Variants in SNX19 observed in about 807,000 individuals in gnomAD.
SNX19 encodes the protein sorting nexin-19.
A neutral mutation model predicts 85.2 loss-of-function variants in SNX19; 60 were observed. The ratio of observed to expected loss-of-function variants is 0.70; its 90% CI spans 0.57 to 0.87. SNX19 has a LOEUF of 0.87. Ranked by LOEUF, SNX19 falls within the 40% of genes least tolerant of loss-of-function variation. The probability of loss-of-function intolerance (pLI) is 0.00; values close to 1 mark genes in which losing one functional copy is unlikely to be tolerated. For synonymous variants in SNX19, 520 were observed against 470.0 expected, an observed-to-expected ratio of 1.11 and a Z score of -1.38; for missense variants, 1,201 against 1,217.8, an observed-to-expected ratio of 0.99 and a Z score of 0.21.
chr11:130,913,653 T>G (rs998689067), intron 1 of SNX19, among the ~76,000 whole-genome samples: 5 of 152,234 alleles, frequency 3.3e-5, no homozygotes, highest in African/African-American at 1.2e-4. Context: ...TTTCTCAACT[T>G]CTTCCCTGCT....
intron 6 of SNX19, among the ~76,000 whole-genome samples, 189 bp from the exon 7 acceptor site, chr11:130,906,322 T>C (rs1326945526): frequency 2.0e-5 from 3 of 152,218 alleles, no homozygotes; most frequent in African/African-American, 7.2e-5. Context: ...TGCCCTGGGA[T>C]TATCATTTCT....
At chr11:130,885,426 G>A (rs188219139) in intron 8 of SNX19, among the ~76,000 whole-genome samples, 106 of 152,318 alleles carry the variant, frequency 7.0e-4, no homozygotes, top group Non-Finnish European at 1.2e-3. Context: ...GTTAGTAGAA[G>A]GTCATTTCCC....
chr11:130,910,688 C>T (rs1267763517), intron 2 of SNX19, among the ~76,000 whole-genome samples: 3 of 152,176 alleles, frequency 2.0e-5, no homozygotes, highest in Non-Finnish European at 4.4e-5. Flanking sequence ...GGGCACCTAT[C>T]TCACAGGCTG....
chr11:130,875,160 A>G lies in SNX19; in HGVS notation c.*3262T>C, dbSNP rs569217373. ...AAAGAAAATGTGGCATAGCCATACA[A>G]TGGAATGTTTTCAGCCTTAAAAAGA... On this transcript the variant is annotated 3_prime_UTR_variant, in exon 11 of 11. Transcript: ENST00000265909. Among the ~76,000 whole-genome samples, 1 of 152,352 alleles carries G rather than the reference A, an allele frequency of 6.6e-6. No homozygotes were observed. The highest frequency in any genetic ancestry group is 2.4e-5 in the African/African-American group (1 of 41,570).
At chr11:130,897,680 C>T (rs895758936) in intron 8 of SNX19, among the ~76,000 whole-genome samples, 1 of 152,168 alleles carries the variant, frequency 6.6e-6, no homozygotes, top group Admixed American at 6.5e-5. Context: ...GCCCCAAACC[C>T]CCTACCATCA....
rs1378482558 is a variant in SNX19 at position 130,873,230 on chromosome 11, C to G, written c.*5192G>C. Among the ~76,000 whole-genome samples the G allele has an allele frequency of 2.6e-5, 4 of 152,184 alleles. No homozygotes were observed. Among genetic ancestry groups the G allele is most frequent in the Admixed American group, 2.6e-4 (4 of 15,282 alleles). On this transcript the variant is annotated 3_prime_UTR_variant, in exon 11 of 11. Coordinates refer to ENST00000265909, the MANE Select transcript of SNX19 (RefSeq NM_014758.3). Reference sequence around the variant, plus strand: ...CGGCCAGCTGCCTATTTTTGTAAATCAAGTTTTATTGGAACACAGCCACAC... The same window carrying G: ...CGGCCAGCTGCCTATTTTTGTAAATGAAGTTTTATTGGAACACAGCCACAC...
In SNX19 at chr11:130,872,597, T is replaced by G. The variant is rs1943071394; in HGVS notation, c.*5825A>C. On this transcript the variant is annotated 3_prime_UTR_variant, in exon 11 of 11. Coordinates refer to ENST00000265909, the MANE Select transcript of SNX19 (RefSeq NM_014758.3). ...CATCCTTTATACCATAAAAGAGTGA[T>G]GGCAATATGCTAGCTGAAATTCACC... Among the ~76,000 whole-genome samples the G allele has an allele frequency of 6.6e-6, 1 of 152,166 alleles. No homozygotes were observed. Among genetic ancestry groups the G allele is most frequent in the Non-Finnish European group, 1.5e-5 (1 of 68,026 alleles).
chr11:130,881,017 T>G (rs940017524), intron 8 of SNX19: 3 of 379,268 alleles, frequency 7.9e-6, no homozygotes, highest in African/African-American at 6.1e-5. Flanking sequence ...GAGAGACTTC[T>G]CACCCCTTTT....
intron 8 of SNX19, among the ~76,000 whole-genome samples, chr11:130,890,873 A>G (rs1235876092): frequency 3.2e-5 from 4 of 126,436 alleles, no homozygotes; most frequent in African/African-American, 9.2e-5. Flanking sequence ...CACACTTCCT[A>G]TGGTAGGGAT....
At chr11:130,897,365 CTCTA>C (rs1443404083) in intron 8 of SNX19, among the ~76,000 whole-genome samples, 3 of 151,998 alleles carry the variant, frequency 2.0e-5, no homozygotes, top group Non-Finnish European at 4.4e-5. Flanking sequence ...CACACTCTGT[CTCTA>C]TCTTACACAC....
intron 7 of SNX19, 124 bp from the exon 8 acceptor site, chr11:130,903,508 C>A: frequency 1.0e-6 from 1 of 991,704 alleles, no homozygotes; most frequent in Non-Finnish European, 1.4e-6. Context: ...TTTTTGCAAT[C>A]CCTCTACACT....
In SNX19 at chr11:130,903,295, G is replaced by C; in HGVS notation, c.2533C>G (p.Gln845Glu). 1 of 1,613,942 alleles carries C rather than the reference G, an allele frequency of 6.2e-7. No individual in the cohort carries two copies. Among genetic ancestry groups the C allele is most frequent in the Non-Finnish European group, 8.5e-7 (1 of 1,179,888 alleles). The change falls in exon 8 of 11, where the codon CAA (glutamine) becomes GAA (glutamate). Residue 845 changes from glutamine to glutamate, a missense_variant. Coordinates refer to ENST00000265909, the MANE Select transcript of SNX19 (RefSeq NM_014758.3). ...QWKWLCTENM[Q>E]KFLRLIFGTL... Reference sequence around the variant, plus strand: ...CCAAAGATAAGACGAAGAAACTTTTGCATGTTTTCGGTACATAGCCATTTC... The same window carrying C: ...CCAAAGATAAGACGAAGAAACTTTTCCATGTTTTCGGTACATAGCCATTTC...
chr11:130,886,438 A>G (rs973781714), intron 8 of SNX19, among the ~76,000 whole-genome samples: 2 of 152,184 alleles, frequency 1.3e-5, no homozygotes, highest in African/African-American at 2.4e-5. Context: ...ATGCAGTGTC[A>G]AGAATTAGGA....
intron 10 of SNX19, 44 bp downstream of exon 10, chr11:130,879,577 AGGT>A: frequency 6.6e-7 from 1 of 1,521,222 alleles, no homozygotes; most frequent in East Asian, 2.3e-5. Flanking sequence ...CTGAGACCAG[AGGT>A]GGCTGTAACT....
At chr11:130,897,192 G>T (rs3794137) in intron 8 of SNX19, among the ~76,000 whole-genome samples, 1 of 151,388 alleles carries the variant, frequency 6.6e-6, no homozygotes, top group East Asian at 1.9e-4. Flanking sequence ...TCTCCTGGGT[G>T]CCCTGCTTGT....
intron 8 of SNX19, among the ~76,000 whole-genome samples, chr11:130,886,103 C>T (rs2155752): frequency 0.44 from 66,345 of 151,968 alleles, 14,779 homozygotes; most frequent in South Asian, 0.56. Context: ...TGCCTTAGAC[C>T]CAGGGACTTT....
In SNX19 at chr11:130,914,329, G is replaced by A. The variant is rs201444366; in HGVS notation, c.1611C>T (p.Gly537=). Residue 537 remains glycine, a synonymous_variant, in exon 1 of 11, where the codon GGC becomes GGT. Transcript: ENST00000265909. The stretch of plus-strand genomic sequence containing the variant: ...CACTGTGCTCTCGGGCTGTAATGGT[G>A]CCAGTGATACGAAGGTTCTGGATGA... The part of the protein sequence containing the change: ...PVIIQNLRIT[G]TITAREHSGT... 1 of 1,612,356 alleles carries A rather than the reference G, an allele frequency of 6.2e-7. No homozygotes were observed. Among genetic ancestry groups the A allele is most frequent in the Non-Finnish European group, 8.5e-7 (1 of 1,179,132 alleles).
At chr11:130,906,212 C>T (rs1945659163) in intron 6 of SNX19, 79 bp from the exon 7 acceptor site, 3 of 1,424,520 alleles carry the variant, frequency 2.1e-6, no homozygotes, top group Non-Finnish European at 2.9e-6. Context: ...GTTTCCCTGC[C>T]TCTCCCCTGC....
At position 130,866,426 on chromosome 11, in the gene SNX19, C is replaced by T. The variant is rs1942766041; in HGVS notation, c.*11996G>A. 1 of 152,242 alleles carries T rather than the reference C, an allele frequency of 6.6e-6. No individual in the cohort carries two copies. The highest frequency in any genetic ancestry group is 2.1e-4 in the South Asian group (1 of 4,824). The allele number at this position is 152,242 out of a possible 1,614,324, so 9.4% of individuals were successfully genotyped here. A position where few individuals can be genotyped will look rare whatever the true frequency, so the allele number is the denominator to read the frequency against. ...AAATGGCCTGGCACTAGTGGTAATTCCAGCAGACAAACAGCATGAGAAAAG... is the reference window on the plus strand; with the variant it reads ...AAATGGCCTGGCACTAGTGGTAATTTCAGCAGACAAACAGCATGAGAAAAG... On this transcript the variant is annotated 3_prime_UTR_variant, in exon 11 of 11. Coordinates refer to ENST00000265909, the MANE Select transcript of SNX19 (RefSeq NM_014758.3).
Sources: gnomAD v4.1 joint callset for allele counts (sites outside exome capture counted in the v4.1 genomes callset) on GRCh38, gnomAD v4.1.1 for gene constraint, MANE v1.5 for transcripts, NCBI Gene and HGNC (gene_info 2026-07-23, HGNC 2026-07-21) for gene names.